KDR: variants seen among roughly 807,000 people sequenced by gnomAD.
The protein encoded by KDR is vascular endothelial growth factor receptor 2.
In KDR, 43 loss-of-function variants were observed where a neutral mutation model predicts 160.9. The observed-to-expected ratio is 0.27, with a 90% CI of 0.21 to 0.34. The LOEUF (loss-of-function observed/expected upper bound fraction) is 0.34, where lower values mean the gene tolerates loss of function less well. Among genes scored for constraint, KDR ranks in the 10% least tolerant of loss-of-function variants. The probability of loss-of-function intolerance (pLI) is 1.00; values close to 1 mark genes in which losing one functional copy is unlikely to be tolerated. For missense variants in KDR, 1,469 were observed against 1,666.4 expected, an observed-to-expected ratio of 0.88 and a Z score of 2.06; for synonymous variants, 617 against 600.1, an observed-to-expected ratio of 1.03 and a Z score of -0.41.
intron 12 of KDR, among the ~76,000 whole-genome samples, chr4:55,105,614 C>T (rs1373691612): frequency 6.6e-6 from 1 of 152,188 alleles, no homozygotes; most frequent in Non-Finnish European, 1.5e-5. Context: ...TCTGTGAAAC[C>T]ATTCTCTCTC....
At chr4:55,114,725 T>C in intron 5 of KDR, 149 bp downstream of exon 5, 1 of 714,172 alleles carries the variant, frequency 1.4e-6, no homozygotes. Context: ...CACATGGGTT[T>C]ATTTGGTAGA....
chr4:55,106,611 A>T (rs188394844), intron 11 of KDR, 76 bp downstream of exon 11: 1 of 1,073,290 alleles, frequency 9.3e-7, no homozygotes, highest in Admixed American at 1.7e-5. Context: ...TTAATCTCCA[A>T]TATGCCTCAC....
intron 15 of KDR, among the ~76,000 whole-genome samples, 184 bp from the exon 16 acceptor site, chr4:55,098,987 ATTTATTTATTT>A (rs1560517327): frequency 3.0e-4 from 21 of 69,154 alleles, no homozygotes; most frequent in African/African-American, 1.7e-3. Flanking sequence ...AATTTAATTT[ATTTATTTATTT>A]ATTTATTTAT....
At chr4:55,087,421 G>T (rs1028561589) in intron 27 of KDR, among the ~76,000 whole-genome samples, 186 bp downstream of exon 27, 1 of 152,212 alleles carries the variant, frequency 6.6e-6, no homozygotes, top group Non-Finnish European at 1.5e-5. Context: ...GGCTACAGAT[G>T]GGAGGAAGCA....
At position 55,113,474 on chromosome 4, in the gene KDR, T is replaced by A; in HGVS notation, c.806A>T (p.His269Leu). 1 of 1,613,988 alleles carries A rather than the reference T, an allele frequency of 6.2e-7. No individual in the cohort carries two copies. The highest frequency in any genetic ancestry group is 8.5e-7 in the Non-Finnish European group (1 of 1,179,884). The change falls in exon 7 of 30, where the codon CAT becomes CTT. Residue 269 changes from histidine to leucine, a missense_variant. Transcript: ENST00000263923. ...NWEYPSSKHQHKKLVNRDLKT... is the reference protein window; with the variant it reads ...NWEYPSSKHQLKKLVNRDLKT... ...TAGGTCTCGGTTTACAAGTTTCTTA[T>A]GCTGATGCTGAAAAAAAGAGTTGAC...
chr4:55,089,201 A>T (rs769398290), intron 25 of KDR, among the ~76,000 whole-genome samples, 173 bp downstream of exon 25: 2 of 152,242 alleles, frequency 1.3e-5, no homozygotes, highest in Non-Finnish European at 2.9e-5. Flanking sequence ...ATAATAAAGT[A>T]CTATCTTTTC....
At chr4:55,085,519 C>A (rs1457423740) in intron 27 of KDR, among the ~76,000 whole-genome samples, 1 of 152,108 alleles carries the variant, frequency 6.6e-6, no homozygotes, top group Admixed American at 6.6e-5. Flanking sequence ...ACTCATTCTC[C>A]CCAGAGAAAC....
chr4:55,092,064 A>T (rs954403041), intron 22 of KDR, among the ~76,000 whole-genome samples: 1 of 152,180 alleles, frequency 6.6e-6, no homozygotes, highest in Admixed American at 6.6e-5. Flanking sequence ...TCATGCCAAG[A>T]TATCTGTAAG....
At chr4:55,106,023 C>T in intron 11 of KDR, 83 bp from the exon 12 acceptor site, 2 of 854,950 alleles carry the variant, frequency 2.3e-6, no homozygotes, top group South Asian at 1.3e-5. Context: ...TCTCCACAAT[C>T]ACTCCAACCT....
chr4:55,087,084 A>C (rs1380900730), intron 27 of KDR, among the ~76,000 whole-genome samples: 1 of 152,190 alleles, frequency 6.6e-6, no homozygotes, highest in Non-Finnish European at 1.5e-5. Flanking sequence ...CAGACATCCC[A>C]TTATGCAAAT....
chr4:55,083,269 G>T (rs1719782374), intron 27 of KDR, among the ~76,000 whole-genome samples: 1 of 152,152 alleles, frequency 6.6e-6, no homozygotes, highest in South Asian at 2.1e-4. Flanking sequence ...AAGATATTTT[G>T]CCTATTTCAG....
At position 55,093,885 on chromosome 4, in the gene KDR, C is replaced by T. The variant is rs542745588; in HGVS notation, c.2971+917G>A. Among the ~76,000 whole-genome samples, 7 of 152,270 alleles carry T rather than the reference C, an allele frequency of 4.6e-5. No homozygotes were observed. In the South Asian group the frequency reaches 1.4e-3, roughly 32 times the overall value. ...CCTGGAAGTTAGGCTGGGACCACAG[C>T]TCCACCCAAAAAGAGCACTAAAATA... is the stretch of plus-strand genomic sequence containing the variant. On this transcript the variant is annotated intron_variant, in intron 21 of 29. Transcript: ENST00000263923.
chr4:55,112,560 C>G (rs1720620445), intron 7 of KDR, among the ~76,000 whole-genome samples: 1 of 130,336 alleles, frequency 7.7e-6, no homozygotes, highest in Non-Finnish European at 1.6e-5. Flanking sequence ...AGGAGTTTCA[C>G]TCTTGTTGCC....
chr4:55,109,284 T>C (rs1720516542), intron 9 of KDR, among the ~76,000 whole-genome samples: 1 of 152,096 alleles, frequency 6.6e-6, no homozygotes, highest in East Asian at 1.9e-4. Context: ...GTTTTCATCA[T>C]GTTGGCCAGG....
At position 55,104,917 on chromosome 4, in the gene KDR, G is replaced by A. The variant is rs2110023322; in HGVS notation, c.1713C>T (p.Cys571=). 6.2e-7 allele frequency: 1 copy of A among 1,613,928 alleles called. No individual in the cohort carries two copies. The highest frequency in any genetic ancestry group is 8.5e-7 in the Non-Finnish European group (1 of 1,179,870). ...PTEQESVSLW[C]TADRSTFENL... ...TCTCAAACGTAGATCTGTCTGCAGT[G>A]CACCACAAAGACACGCTCTCCTGCT... Residue 571 remains cysteine (C), a synonymous_variant, in exon 13 of 30, where the codon TGC becomes TGT. Coordinates refer to ENST00000263923, the MANE Select transcript of KDR (RefSeq NM_002253.4).
At chr4:55,094,532 A>G (rs1319992877) in intron 21 of KDR, among the ~76,000 whole-genome samples, 1 of 152,230 alleles carries the variant, frequency 6.6e-6, no homozygotes, top group Non-Finnish European at 1.5e-5. Context: ...CCAGTATTTT[A>G]AGAACACTGC....
chr4:55,091,654 G>C (rs1720021997), intron 22 of KDR, among the ~76,000 whole-genome samples: 1 of 152,088 alleles, frequency 6.6e-6, no homozygotes, highest in Non-Finnish European at 1.5e-5. Flanking sequence ...CTATGAGAAG[G>C]GGAAAACATG....
chr4:55,125,161 G>C, intron 1 of KDR, 66 bp downstream of exon 1: 1 of 1,419,750 alleles, frequency 7.0e-7, no homozygotes. Context: ...AGTTAGATCT[G>C]GCTTTCAGGT....
intron 3 of KDR, among the ~76,000 whole-genome samples, chr4:55,117,236 T>C (rs1720759506): frequency 6.6e-6 from 1 of 152,178 alleles, no homozygotes; most frequent in Non-Finnish European, 1.5e-5. Flanking sequence ...TTACTGAAAC[T>C]CATGAAATGA....
Sources: gnomAD v4.1 joint callset for allele counts (sites outside exome capture counted in the v4.1 genomes callset) on GRCh38, gnomAD v4.1.1 for gene constraint, MANE v1.5 for transcripts, NCBI Gene and HGNC (gene_info 2026-07-23, HGNC 2026-07-21) for gene names.